The following FHL1 variants were observed in gnomAD, a reference collection of about 807,000 sequenced individuals.
FHL1 encodes four and a half LIM domains 1, also known as four and a half LIM domains protein 1.
Under a neutral mutation model 20.3 loss-of-function variants are expected in FHL1, and 1 was observed. The ratio of observed to expected loss-of-function variants is 0.05; its 90% CI spans 0.02 to 0.23. The LOEUF is 0.23. Ranked by LOEUF, FHL1 falls within the 10% of genes least tolerant of loss-of-function variation. The probability of loss-of-function intolerance (pLI) is 1.00; values close to 1 mark genes in which losing one functional copy is unlikely to be tolerated. For synonymous variants in FHL1, 82 were observed against 88.9 expected (o/e 0.92, Z 0.44); for missense variants, 177 against 234.0 (o/e 0.76, Z 1.59).
At position 136,207,927 on chromosome X, in the gene FHL1, C is replaced by A. The variant is rs763012291; in HGVS notation, c.515C>A (p.Thr172Asn). The A allele has an allele frequency of 3.3e-6, 4 of 1,211,079 alleles. No individual in the cohort carries two copies. Among genetic ancestry groups the A allele is most frequent in the Non-Finnish European group, 4.5e-6 (4 of 895,425 alleles). Residue 172 changes from threonine (T) to asparagine (N), a missense_variant, in exon 4 of 6, where the codon ACC becomes AAC. By Grantham distance (65) the Thr-to-Asn change is moderately conservative. Coordinates refer to ENST00000370683, the MANE Select transcript of FHL1 (RefSeq NM_001159699.2). The stretch of plus-strand genomic sequence containing the variant: ...TTCTACTGCGTGACTTGCCATGAGA[C>A]CAAGTTTGCCAAGCATTGCGTGAAG... ...EDFYCVTCHE[T>N]KFAKHCVKCN...
At chrX:136,209,292 G>T (rs1163900813) in intron 5 of FHL1, 10 of 1,208,765 alleles carry the variant, frequency 8.3e-6, no homozygotes, top group Non-Finnish European at 1.1e-5. Context: ...AAGCTAGGAA[G>T]CCCCCAGTGT....
chrX:136,193,681 G>A (rs768192371), upstream of FHL1, among the ~76,000 whole-genome samples: 1 of 110,554 alleles, frequency 9.0e-6, no homozygotes, highest in East Asian at 2.9e-4. Flanking sequence ...CTGTCACAGT[G>A]TCCCTTATAT....
intron 2 of FHL1, among the ~76,000 whole-genome samples, chrX:136,189,813 C>CTCTCTTGAGTCATTATAAAA (rs1282955529): frequency 1.8e-5 from 2 of 111,792 alleles, no homozygotes; most frequent in Admixed American, 1.9e-4. Flanking sequence ...AGCCACTGCA[C>CTCTCTTGAGTCATTATAAAA]TATATTCTCT....
chrX:136,186,883 G>T (rs201291845), intron 2 of FHL1, among the ~76,000 whole-genome samples: 51 of 4,156 alleles, frequency 0.012, no homozygotes, highest in Non-Finnish European at 0.073. Flanking sequence ...TATATATATA[G>T]ATAGATAGAT....
chrX:136,201,155 C>T (rs768164871), intron 1 of FHL1, among the ~76,000 whole-genome samples: 6 of 111,938 alleles, frequency 5.4e-5, no homozygotes, highest in Non-Finnish European at 1.1e-4. Context: ...CAAAGTGAGA[C>T]TCCGTCTCAA....
chrX:136,209,629 TCTC>T, intron 5 of FHL1, among the ~76,000 whole-genome samples: 1 of 110,148 alleles, frequency 9.1e-6, no homozygotes, highest in Admixed American at 9.6e-5. Context: ...TTCAGCATCT[TCTC>T]AGGTCCTTGA....
rs746834335 is a variant in FHL1 at position 136,207,050 on chromosome X, C to T, written c.239C>T (p.Thr80Ile). Residue 80 changes from threonine to isoleucine, a missense_variant, in exon 3 of 6, where the codon ACC becomes ATC. Coordinates refer to ENST00000370683, the MANE Select transcript of FHL1 (RefSeq NM_001159699.2). ...TATAAGAACCGCTTCTGGCATGACA[C>T]CTGCTTCCGCTGTGCCAAGTGCCTT... ...VHYKNRFWHD[T>I]CFRCAKCLHP... is the part of the protein sequence containing the mutation. The T allele has an allele frequency of 1.7e-6, 2 of 1,209,993 alleles. No homozygotes were observed. The highest frequency in any genetic ancestry group is 1.7e-5 in the African/African-American group (1 of 57,187).
chrX:136,149,701 A>T (rs2072212534), intron 1 of FHL1, among the ~76,000 whole-genome samples: 1 of 111,930 alleles, frequency 8.9e-6, no homozygotes, highest in Admixed American at 9.5e-5. Context: ...ATTTAAATTG[A>T]TAAAATTCCT....
chrX:136,171,233 A>G (rs1435483260), intron 2 of FHL1, among the ~76,000 whole-genome samples: 7 of 110,862 alleles, frequency 6.3e-5, no homozygotes, highest in Non-Finnish European at 1.3e-4. Context: ...GCCTTTACCT[A>G]TAATGGTTGT....
At chrX:136,199,762 C>T (rs1039222873) in intron 1 of FHL1, among the ~76,000 whole-genome samples, 4 of 111,802 alleles carry the variant, frequency 3.6e-5, no homozygotes, top group Admixed American at 9.4e-5. Flanking sequence ...TACATTACAC[C>T]CTTCATGGAA....
rs965518307 is a variant in FHL1, at chrX:136,211,027, G to T, written c.*1002G>T. ...AGTGACTAGTTGAATCCCTTGTAAC[G>T]TAGTAGTTGTCTGCTCTTTGTCCAT... On this transcript the variant is annotated 3_prime_UTR_variant, in exon 6 of 6. Coordinates refer to ENST00000370683, the MANE Select transcript of FHL1 (RefSeq NM_001159699.2). 2 of 374,308 alleles carry T rather than the reference G, an allele frequency of 5.3e-6. No homozygotes were observed. Among genetic ancestry groups the T allele is most frequent in the African/African-American group, 2.5e-5 (1 of 39,711 alleles). 30.8% of individuals were successfully genotyped at this position (374,308 alleles called of 1,213,427 possible).
chrX:136,161,073 G>T (rs2072552658), intron 1 of FHL1, among the ~76,000 whole-genome samples: 1 of 111,985 alleles, frequency 8.9e-6, no homozygotes, highest in African/African-American at 3.2e-5. Context: ...ATCATAATAT[G>T]TTTGTTTCCC....
At chrX:136,156,636 T>C (rs1486411066) in intron 1 of FHL1, among the ~76,000 whole-genome samples, 1 of 111,727 alleles carries the variant, frequency 9.0e-6, no homozygotes, top group Non-Finnish European at 1.9e-5. Flanking sequence ...TTTTCAGTAC[T>C]AAGGAAATGA....
At chrX:136,166,122 A>G (rs781580643), upstream of FHL1, among the ~76,000 whole-genome samples, 2 of 112,071 alleles carry the variant, frequency 1.8e-5, no homozygotes, top group Non-Finnish European at 3.8e-5. Flanking sequence ...CACGCTGCAG[A>G]TTGAAAAGTA....
intron 1 of FHL1, chrX:136,147,773 A>C (rs2072139128): frequency 9.3e-6 from 1 of 107,570 alleles, no homozygotes; most frequent in Non-Finnish European, 1.9e-5. Flanking sequence ...CTGGCCTTCC[A>C]GGGCTGGGTA....
intron 2 of FHL1, among the ~76,000 whole-genome samples, chrX:136,189,546 G>A (rs981251506): frequency 9.0e-5 from 10 of 111,502 alleles, no homozygotes; most frequent in Admixed American, 4.8e-4. Flanking sequence ...TGCTTGGGTC[G>A]GCCACATTTT....
Position 136,182,296 on chromosome X carries a change from A to G in FHL1, c.-27+12316A>G, listed in dbSNP as rs149112009. 8.6e-3 allele frequency among the ~76,000 whole-genome samples: 969 copies of G among 112,194 alleles called. 7 individuals are homozygous for G. Among genetic ancestry groups the G allele is most frequent in the African/African-American group, 0.029 (900 of 30,868 alleles). ...AATGTTGGTTACGCCCACAGAATCA[A>G]TTGCATTTGGAAGGCAGAGGAACAG... On this transcript the variant is annotated intron_variant, in intron 2 of 6. Coordinates refer to the FHL1 transcript ENST00000394153.
At chrX:136,166,174 C>T (rs1432262881), upstream of FHL1, among the ~76,000 whole-genome samples, 2 of 111,792 alleles carry the variant, frequency 1.8e-5, no homozygotes, top group Admixed American at 1.9e-4. Context: ...CCTCACGACC[C>T]CAGCTCATGT....
chrX:136,165,516 TAAG>T (rs1313436496), upstream of FHL1, among the ~76,000 whole-genome samples: 2 of 112,171 alleles, frequency 1.8e-5, no homozygotes, highest in Non-Finnish European at 3.8e-5. Flanking sequence ...TGTACCTAAT[TAAG>T]AAGATGTTTG....
Sources: allele counts gnomAD v4.1 joint callset (sites outside exome capture counted in the v4.1 genomes callset), GRCh38; gene constraint gnomAD v4.1.1; transcripts MANE v1.5; gene names NCBI Gene and HGNC (gene_info 2026-07-23, HGNC 2026-07-21).